SLK: variants seen among roughly 807,000 people sequenced by gnomAD.
SLK encodes the protein STE20 like kinase, also known as STE20-like serine/threonine-protein kinase.
SLK carries 67 observed loss-of-function variants against 147.7 expected under a neutral mutation model. The observed-to-expected ratio is 0.45, with a 90% CI of 0.37 to 0.56. SLK has a LOEUF of 0.56. Among genes scored for constraint, SLK ranks in the 20% least tolerant of loss-of-function variants. The probability of loss-of-function intolerance (pLI) is 0.00; values close to 1 mark genes in which losing one functional copy is unlikely to be tolerated. For synonymous variants in SLK, 441 were observed against 475.0 expected, an observed-to-expected ratio of 0.93 and a Z score of 0.93; for missense variants, 1,136 against 1,438.8, an observed-to-expected ratio of 0.79 and a Z score of 3.41.
intron 15 of SLK, 86 bp from the exon 16 acceptor site, chr10:104,019,648 A>C: frequency 9.7e-7 from 1 of 1,034,042 alleles, no homozygotes; most frequent in South Asian, 1.4e-5. Context: ...ATAGGAAACA[A>C]CAATAACAAA....
chr10:104,021,556 ATTGTAT>A (rs1208346425), intron 17 of SLK, 58 bp from the exon 18 acceptor site: 1 of 822,360 alleles, frequency 1.2e-6, no homozygotes, highest in East Asian at 2.5e-5. Flanking sequence ...ATGGAAGATA[ATTGTAT>A]TTGTGAAAAA....
At chr10:104,004,361 A>C (rs1054040973) in intron 9 of SLK, among the ~76,000 whole-genome samples, 1 of 152,232 alleles carries the variant, frequency 6.6e-6, no homozygotes, top group Non-Finnish European at 1.5e-5. Flanking sequence ...ACCACTCTGA[A>C]ATTCATTCAC....
chr10:104,005,666 A>C lies in SLK; in HGVS notation c.2455A>C (p.Lys819Gln). ...TSKIVTDSDSKTEELRFLRRQ... is the reference protein window; with the variant it reads ...TSKIVTDSDSQTEELRFLRRQ... ...AAAGATAGTTACAGATAGTGATTCC[A>C]AAACTGAAGAATTGCGGTTTCTTAG... Residue 819 changes from lysine (K) to glutamine (Q), a missense_variant, in exon 10 of 19, where the codon AAA (lysine) becomes CAA (glutamine). Transcript: ENST00000369755. 6.2e-7 allele frequency: 1 copy of C among 1,610,894 alleles called. No individual in the cohort carries two copies. Among genetic ancestry groups the C allele is most frequent in the Non-Finnish European group, 8.5e-7 (1 of 1,178,868 alleles).
rs531069235 is a variant in SLK at position 103,993,184 on chromosome 10, A to G, written c.514+51A>G. 8.0e-5 allele frequency: 110 copies of G among 1,371,574 alleles called. No individual in the cohort carries two copies. In the East Asian group the frequency reaches 2.5e-3, roughly 31 times the overall value. 85.0% of individuals were successfully genotyped at this position (1,371,574 alleles called of 1,614,324 possible). On this transcript the variant is annotated intron_variant, in intron 4 of 18. Transcript: ENST00000369755. ...TTAGAATTTTTACTCTGAAATTTCC[A>G]TCTTTATGTATGTGACTTAATGTGG...
intron 4 of SLK, 30 bp from the exon 5 acceptor site, chr10:103,998,869 T>C: frequency 3.9e-6 from 6 of 1,538,596 alleles, no homozygotes; most frequent in African/African-American, 1.4e-5. Context: ...TTAAAAGTTC[T>C]CATTAATGCT....
At chr10:104,016,114 C>T (rs1055219668) in intron 13 of SLK, among the ~76,000 whole-genome samples, 5 of 152,036 alleles carry the variant, frequency 3.3e-5, no homozygotes, top group Non-Finnish European at 1.5e-5. Context: ...GTCAGGAGAT[C>T]AAGACCATCC....
intron 16 of SLK, 64 bp downstream of exon 16, chr10:104,019,986 C>G (rs1051601071): frequency 7.8e-7 from 1 of 1,278,836 alleles, no homozygotes; most frequent in East Asian, 2.3e-5. Context: ...ATTAGAAGTT[C>G]TACAAAATTC....
In SLK at chr10:104,018,216, C is replaced by A; in HGVS notation, c.2934C>A (p.Ile978=). 6.2e-7 allele frequency: 1 copy of A among 1,607,276 alleles called. No homozygotes were observed. Among genetic ancestry groups the A allele is most frequent in the African/African-American group, 1.3e-5 (1 of 74,466 alleles). The change falls in exon 14 of 19, where the codon ATC becomes ATA. Residue 978 remains isoleucine, a synonymous_variant. Transcript: ENST00000369755. The part of the protein sequence containing the change: ...QQELDGSLKK[I]IQQQKAELAN... Reference sequence around the variant, plus strand: ...AATTAGATGGCTCTCTGAAAAAGATCATCCAGCAGCAGAAGGCAGAGTTAG... The same window carrying A: ...AATTAGATGGCTCTCTGAAAAAGATAATCCAGCAGCAGAAGGCAGAGTTAG...
At position 104,005,997 on chromosome 10, in the gene SLK, C is replaced by T; in HGVS notation, c.2566C>T (p.Arg856Ter). ...GCTCAATAGCAAACTACAGCAACAA[C>T]GAGAACAAATTTTCCGGCGCTTTGA... is the stretch of plus-strand genomic sequence containing the variant. Reference protein sequence around the residue: ...QQLNSKLQQQREQIFRRFEQE... With the variant: ...QQLNSKLQQQ The change falls in exon 11 of 19, where the codon CGA becomes TGA. Residue 856 changes from arginine to a stop codon, truncating the protein, a stop_gained. Transcript: ENST00000369755. LOFTEE classifies it high-confidence loss of function. 2 of 1,612,554 alleles carry T rather than the reference C, an allele frequency of 1.2e-6. No individual in the cohort carries two copies. Among genetic ancestry groups the T allele is most frequent in the Non-Finnish European group, 1.7e-6 (2 of 1,179,590 alleles).
rs1254959387 is a variant in SLK at position 104,028,697 on chromosome 10, T to A, written c.*2977T>A. 3 of 152,154 alleles carry A rather than the reference T, an allele frequency of 2.0e-5. No individual in the cohort carries two copies. Among genetic ancestry groups the A allele is most frequent in the African/African-American group, 7.2e-5 (3 of 41,424 alleles). The allele number at this position is 152,154 out of a possible 1,614,324, so 9.4% of individuals were successfully genotyped here. On this transcript the variant is annotated 3_prime_UTR_variant, in exon 19 of 19. Transcript: ENST00000369755. ...CATCAGCGAGTTTCAGAAGTGACTA[T>A]TTTTTTGTACTCTTCTAGTTTCCTT...
At chr10:103,979,160 C>T (rs895292543) in intron 1 of SLK, among the ~76,000 whole-genome samples, 5 of 152,102 alleles carry the variant, frequency 3.3e-5, no homozygotes, top group African/African-American at 7.2e-5. Flanking sequence ...GGATTACAGG[C>T]GCCCGCCACC....
intron 7 of SLK, among the ~76,000 whole-genome samples, chr10:104,000,370 T>C (rs61861269): frequency 0.017 from 2,598 of 152,324 alleles, 31 homozygotes; most frequent in Non-Finnish European, 0.027. Context: ...AATATATTAA[T>C]TAAAAATTGT....
intron 4 of SLK, among the ~76,000 whole-genome samples, chr10:103,994,241 T>G (rs1844136908): frequency 6.6e-6 from 1 of 152,194 alleles, no homozygotes; most frequent in Non-Finnish European, 1.5e-5. Flanking sequence ...AGTTTAGTAC[T>G]TTGTAGACAT....
intron 2 of SLK, among the ~76,000 whole-genome samples, chr10:103,991,076 G>T (rs766512469): frequency 6.6e-6 from 1 of 152,030 alleles, no homozygotes; most frequent in Admixed American, 6.5e-5. Context: ...TTTGACATTG[G>T]ATCCAGGTGG....
At chr10:104,012,715 T>C (rs1353677659) in intron 13 of SLK, among the ~76,000 whole-genome samples, 1 of 152,204 alleles carries the variant, frequency 6.6e-6, no homozygotes, top group Non-Finnish European at 1.5e-5. Flanking sequence ...ATATTTAAGC[T>C]ACCTACTTGT....
chr10:103,999,991 A>ATCTC (rs3831057), intron 7 of SLK, 43 bp downstream of exon 7: 148,049 of 852,804 alleles, frequency 0.17, 14,357 homozygotes, highest in African/African-American at 0.31. Context: ...TTATTTTAAC[A>ATCTC]TCTAAGAATG....
chr10:104,005,113 A>G (rs1844307793), intron 9 of SLK, among the ~76,000 whole-genome samples: 1 of 152,010 alleles, frequency 6.6e-6, no homozygotes, highest in South Asian at 2.1e-4. Flanking sequence ...AGACCTGTCA[A>G]TTTAGTTTTT....
chr10:103,973,032 A>G (rs187028909), intron 1 of SLK, among the ~76,000 whole-genome samples: 2 of 152,240 alleles, frequency 1.3e-5, no homozygotes, highest in Middle Eastern at 3.4e-3. Flanking sequence ...ATTCTTTAAC[A>G]TGGTCCAATT....
At chr10:103,992,141 G>GTTTTTTGTTTTTTTTTTTTTTTTTTTTTT (rs1554842832) in intron 2 of SLK, among the ~76,000 whole-genome samples, 1 of 91,792 alleles carries the variant, frequency 1.1e-5, no homozygotes. Context: ...TATTTCTTCT[G>GTTTTTTGTTTTTTTTTTTTTTTTTTTTTT]TTTTTTTTTT....
Sources: allele counts gnomAD v4.1 joint callset (sites outside exome capture counted in the v4.1 genomes callset), GRCh38; gene constraint gnomAD v4.1.1; transcripts MANE v1.5; gene names NCBI Gene and HGNC (gene_info 2026-07-23, HGNC 2026-07-21).